The following CHN2 variants were observed in gnomAD, a reference collection of about 807,000 sequenced individuals.
CHN2 encodes beta-chimaerin.
A neutral mutation model predicts 56.3 loss-of-function variants in CHN2; 35 were observed. The ratio of observed to expected loss-of-function variants is 0.62; its 90% CI spans 0.47 to 0.82. The LOEUF (loss-of-function observed/expected upper bound fraction) is 0.82, where lower values mean the gene tolerates loss of function less well. Among genes scored for constraint, CHN2 ranks in the 40% least tolerant of loss-of-function variants. The pLI is 0.00. For missense variants in CHN2, 491 were observed against 580.5 expected, an observed-to-expected ratio of 0.85 and a Z score of 1.58; for synonymous variants, 210 against 212.8, an observed-to-expected ratio of 0.99 and a Z score of 0.12.
At chr7:29,377,377 A>G (rs1800153566) in intron 3 of CHN2, among the ~76,000 whole-genome samples, 2 of 152,214 alleles carry the variant, frequency 1.3e-5, no homozygotes, top group Non-Finnish European at 2.9e-5. Context: ...AGCATATACT[A>G]TTATGAATTC....
chr7:29,225,092 C>A (rs1407421835), intron 1 of CHN2, among the ~76,000 whole-genome samples: 1 of 152,178 alleles, frequency 6.6e-6, no homozygotes, highest in Non-Finnish European at 1.5e-5. Flanking sequence ...CTTTTAGTTG[C>A]AGGCAATTGC....
At chr7:29,146,712 A>C in exon 1 of CHN2, 2 of 1,550,650 alleles carry the variant, frequency 1.3e-6, no homozygotes, top group Non-Finnish European at 1.7e-6. Flanking sequence ...GAATCTTAAA[A>C]ATTAATGAAG....
At position 29,345,808 on chromosome 7, in the gene CHN2, G is replaced by T. The variant is rs1441607249; in HGVS notation, c.50-8817G>T. On this transcript the variant is annotated intron_variant, in intron 1 of 12. Transcript: ENST00000222792. ...CTCCATGTGGCCCCGGTGCCCTCTA[G>T]TGACCACAGGCTCCAGCCCAAGGCC... 2.0e-5 allele frequency among the ~76,000 whole-genome samples: 3 copies of T among 152,112 alleles called. No individual in the cohort carries two copies. In the East Asian group the frequency reaches 5.8e-4, roughly 29 times the overall value.
chr7:29,442,030 A>C (rs1438811696), intron 6 of CHN2, among the ~76,000 whole-genome samples: 1 of 152,218 alleles, frequency 6.6e-6, no homozygotes, highest in Admixed American at 6.5e-5. Context: ...AAACCTGCCA[A>C]ATGTCCATCA....
At chr7:29,435,176 T>A (rs959682392) in intron 6 of CHN2, among the ~76,000 whole-genome samples, 1 of 152,108 alleles carries the variant, frequency 6.6e-6, no homozygotes, top group Admixed American at 6.5e-5. Context: ...AGTAAACATA[T>A]CCATCTGTTC....
At chr7:29,344,838 G>A (rs1797306935) in intron 1 of CHN2, among the ~76,000 whole-genome samples, 1 of 152,170 alleles carries the variant, frequency 6.6e-6, no homozygotes, top group South Asian at 2.1e-4. Context: ...CCTGCCCCAT[G>A]CAGCCTTCCA....
At chr7:29,162,197 T>C (rs1458796035) in intron 2 of CHN2, among the ~76,000 whole-genome samples, 1 of 152,204 alleles carries the variant, frequency 6.6e-6, no homozygotes, top group Non-Finnish European at 1.5e-5. Context: ...TAAAATCTTA[T>C]ATTCACACAA....
chr7:29,220,337 C>T (rs900241447), intron 1 of CHN2, among the ~76,000 whole-genome samples: 5 of 143,644 alleles, frequency 3.5e-5, no homozygotes, highest in South Asian at 2.2e-4. Flanking sequence ...AAGTAGGAAA[C>T]GATATATAAT....
intron 1 of CHN2, among the ~76,000 whole-genome samples, chr7:29,285,836 C>T (rs932233825): frequency 3.9e-5 from 6 of 152,180 alleles, no homozygotes; most frequent in African/African-American, 1.4e-4. Context: ...ATATCCTCAT[C>T]GGAGTTATTG....
chr7:29,176,000 C>A (rs1797272392), intron 2 of CHN2, among the ~76,000 whole-genome samples: 1 of 152,090 alleles, frequency 6.6e-6, no homozygotes. Flanking sequence ...TCCTGACTAA[C>A]ACGGTGAAAC....
intron 1 of CHN2, among the ~76,000 whole-genome samples, chr7:29,293,857 A>ATTTTTTTTTTTT (rs70980522): frequency 2.5e-5 from 2 of 78,520 alleles, no homozygotes; most frequent in African/African-American, 1.0e-4. Context: ...GAGGCTGGGA[A>ATTTTTTTTTTTT]TTTTTTTTTT....
chr7:29,406,993 C>T (rs1019035105), intron 6 of CHN2, among the ~76,000 whole-genome samples: 1 of 152,154 alleles, frequency 6.6e-6, no homozygotes, highest in Non-Finnish European at 1.5e-5. Flanking sequence ...TAAGGAACAG[C>T]GTATCTCAAA....
At chr7:29,303,165 G>A (rs767201623) in intron 1 of CHN2, among the ~76,000 whole-genome samples, 41 of 152,144 alleles carry the variant, frequency 2.7e-4, no homozygotes, top group Admixed American at 9.8e-4. Context: ...AGTCATTGCC[G>A]TGCTGGCCCA....
intron 2 of CHN2, among the ~76,000 whole-genome samples, chr7:29,170,011 G>A (rs1796405159): frequency 6.6e-6 from 1 of 151,886 alleles, no homozygotes; most frequent in Non-Finnish European, 1.5e-5. Flanking sequence ...TAAAGCACTG[G>A]AGTTACAGGT....
intron 2 of CHN2, among the ~76,000 whole-genome samples, chr7:29,165,662 A>T (rs1795813367): frequency 6.6e-6 from 1 of 152,210 alleles, no homozygotes; most frequent in Non-Finnish European, 1.5e-5. Context: ...TTTCACCATT[A>T]GGTGAGGTGT....
intron 2 of CHN2, among the ~76,000 whole-genome samples, chr7:29,187,130 G>C (rs1299613856): frequency 6.6e-6 from 1 of 152,136 alleles, no homozygotes; most frequent in Non-Finnish European, 1.5e-5. Context: ...GGTGAGAGTG[G>C]TCATAATACC....
At chr7:29,261,746 A>G (rs1789572816) in intron 1 of CHN2, among the ~76,000 whole-genome samples, 1 of 152,216 alleles carries the variant, frequency 6.6e-6, no homozygotes, top group South Asian at 2.1e-4. Flanking sequence ...CACCTAATGG[A>G]ATGACTTTAA....
At chr7:29,249,383 C>G (rs1374933409) in intron 1 of CHN2, among the ~76,000 whole-genome samples, 1 of 152,150 alleles carries the variant, frequency 6.6e-6, no homozygotes, top group Non-Finnish European at 1.5e-5. Context: ...TGGACACATT[C>G]ACCTTTTCTC....
chr7:29,366,753 A>G (rs547315406), intron 2 of CHN2, among the ~76,000 whole-genome samples: 1 of 152,328 alleles, frequency 6.6e-6, no homozygotes, highest in East Asian at 1.9e-4. Flanking sequence ...TTCAAAATGT[A>G]TAAAGGGTTA....
Sources: allele counts gnomAD v4.1 joint callset (sites outside exome capture counted in the v4.1 genomes callset), GRCh38; gene constraint gnomAD v4.1.1; transcripts MANE v1.5; gene names NCBI Gene and HGNC (gene_info 2026-07-23, HGNC 2026-07-21).